Variants in PPM1L observed in about 807,000 individuals in gnomAD.
PPM1L encodes the protein protein phosphatase, Mg2+/Mn2+ dependent 1L.
In PPM1L, 13 loss-of-function variants were observed where a neutral mutation model predicts 31.4. The observed-to-expected ratio is 0.41, with a 90% CI of 0.27 to 0.66. PPM1L has a LOEUF of 0.66. Among genes scored for constraint, PPM1L ranks in the 30% least tolerant of loss-of-function variants. The pLI, the probability that PPM1L is intolerant of heterozygous loss-of-function variation, is 0.29. For missense variants in PPM1L, 326 were observed against 453.7 expected (o/e 0.72, Z 2.56); for synonymous variants, 184 against 175.4 (o/e 1.05, Z -0.39).
chr3:161,054,252 T>C (rs1719353280), intron 2 of PPM1L, among the ~76,000 whole-genome samples: 1 of 152,130 alleles, frequency 6.6e-6, no homozygotes, highest in Non-Finnish European at 1.5e-5. Context: ...CTCAGATGTT[T>C]TGTTGTCAGT....
At chr3:160,928,324 G>C (rs755935641) in intron 1 of PPM1L, among the ~76,000 whole-genome samples, 8 of 152,146 alleles carry the variant, frequency 5.3e-5, no homozygotes, top group Non-Finnish European at 1.0e-4. Flanking sequence ...CACCCATCCT[G>C]ACCACAGGGC....
At chr3:160,784,921 G>C (rs191035170) in intron 1 of PPM1L, among the ~76,000 whole-genome samples, 1 of 152,220 alleles carries the variant, frequency 6.6e-6, no homozygotes, top group South Asian at 2.1e-4. Flanking sequence ...GACAAAAGTG[G>C]TGATTGTTTG....
chr3:160,839,293 A>G (rs79216836), intron 1 of PPM1L, among the ~76,000 whole-genome samples: 4,859 of 152,358 alleles, frequency 0.032, 241 homozygotes, highest in African/African-American at 0.11. Flanking sequence ...CGTAGTCATA[A>G]GAAATAGCCA....
At position 160,920,643 on chromosome 3, in the gene PPM1L, A is replaced by T. The variant is rs566752130; in HGVS notation, c.400-41093A>T. On this transcript the variant is annotated intron_variant, in intron 1 of 3. Transcript: ENST00000498165. The stretch of plus-strand genomic sequence containing the variant: ...CACACACACACACACACACACTCAC[A>T]CACACACACACACACACACACACAT... 9.3e-5 allele frequency among the ~76,000 whole-genome samples: 14 copies of T among 150,122 alleles called. No homozygotes were observed. The South Asian group carries it at 3.0e-3, about 32-fold the overall frequency.
chr3:160,934,303 G>A lies in PPM1L; in HGVS notation c.400-27433G>A, dbSNP rs533011078. 1.2e-4 allele frequency among the ~76,000 whole-genome samples: 19 copies of A among 152,326 alleles called. 1 individual carries two copies. The highest frequency in any genetic ancestry group is 1.3e-4 in the Non-Finnish European group (9 of 68,026). Reference sequence around the variant, plus strand: ...AGTCAAATAAGTGGAAATGAGGGAAGGTTAACATTTAAGTGATAAATTTAA... The same window carrying A: ...AGTCAAATAAGTGGAAATGAGGGAAAGTTAACATTTAAGTGATAAATTTAA... On this transcript the variant is annotated intron_variant, in intron 1 of 3. Coordinates refer to ENST00000498165, the MANE Select transcript of PPM1L (RefSeq NM_139245.4).
chr3:160,939,416 C>T (rs1173498234), intron 1 of PPM1L, among the ~76,000 whole-genome samples: 1 of 152,160 alleles, frequency 6.6e-6, no homozygotes, highest in African/African-American at 2.4e-5. Context: ...AAATTTGGCT[C>T]ACATATCCCT....
At chr3:160,834,676 A>G (rs138901346) in intron 1 of PPM1L, among the ~76,000 whole-genome samples, 20 of 152,260 alleles carry the variant, frequency 1.3e-4, no homozygotes, top group African/African-American at 3.6e-4. Flanking sequence ...TTAATACTCA[A>G]TATGTAACTT....
chr3:161,037,182 A>C (rs1468448017), intron 2 of PPM1L, among the ~76,000 whole-genome samples: 1 of 152,182 alleles, frequency 6.6e-6, no homozygotes, highest in Non-Finnish European at 1.5e-5. Flanking sequence ...TGAATATAGC[A>C]GAAGTGATGG....
At chr3:160,981,955 G>A (rs1055728475) in intron 2 of PPM1L, among the ~76,000 whole-genome samples, 1 of 151,802 alleles carries the variant, frequency 6.6e-6, no homozygotes, top group African/African-American at 2.4e-5. Context: ...TAGTAGAGAC[G>A]GGGTTTCACC....
In PPM1L at chr3:160,826,327, G is replaced by C. The variant is rs1445495152; in HGVS notation, c.399+69620G>C. Among the ~76,000 whole-genome samples the C allele has an allele frequency of 2.6e-5, 4 of 152,148 alleles. No homozygotes were observed. The East Asian group carries it at 5.8e-4, about 22-fold the overall frequency. On this transcript the variant is annotated intron_variant, in intron 1 of 3. Coordinates refer to ENST00000498165, the MANE Select transcript of PPM1L (RefSeq NM_139245.4). ...AATATGGAATTTGGCCCATGGCTCA[G>C]AATGTGGTTTGGGGTCTTTGTTAGA...
intron 1 of PPM1L, among the ~76,000 whole-genome samples, chr3:160,758,244 T>G (rs1023642089): frequency 1.3e-5 from 2 of 152,184 alleles, no homozygotes; most frequent in Non-Finnish European, 2.9e-5. Context: ...AAAGGCTGTG[T>G]ACATGGGCAA....
intron 1 of PPM1L, among the ~76,000 whole-genome samples, chr3:160,953,351 T>C (rs1715633956): frequency 6.6e-6 from 1 of 152,142 alleles, no homozygotes; most frequent in African/African-American, 2.4e-5. Flanking sequence ...TGTTAAAAAG[T>C]GAAGGAACAA....
At chr3:160,902,838 C>G (rs1045256289) in intron 1 of PPM1L, among the ~76,000 whole-genome samples, 1 of 152,118 alleles carries the variant, frequency 6.6e-6, no homozygotes, top group African/African-American at 2.4e-5. Context: ...TTGATACATA[C>G]ACCCATTAAG....
intron 1 of PPM1L, among the ~76,000 whole-genome samples, chr3:160,959,451 A>T (rs1373483362): frequency 3.3e-5 from 5 of 152,208 alleles, no homozygotes; most frequent in Non-Finnish European, 5.9e-5. Context: ...ACTGAAATAA[A>T]ATTTTTAAAA....
Position 160,983,431 on chromosome 3 carries a change from TG to T in PPM1L, c.574+21527del, listed in dbSNP as rs572624234. ...GTTTACTAGATTTTAGCAGATTTTT[TG>T]GGGGGTGGTGGGATAGGGGGTGGGT... is the stretch of plus-strand genomic sequence containing the variant. On this transcript the variant is annotated intron_variant, in intron 2 of 3. Coordinates refer to ENST00000498165, the MANE Select transcript of PPM1L (RefSeq NM_139245.4). Among the ~76,000 whole-genome samples, 50 of 148,798 alleles carry T rather than the reference TG, an allele frequency of 3.4e-4. No individual in the cohort carries two copies. The East Asian group carries it at 9.7e-3, about 29-fold the overall frequency.
intron 1 of PPM1L, among the ~76,000 whole-genome samples, chr3:160,801,138 C>T (rs1013419142): frequency 6.8e-6 from 1 of 147,058 alleles, no homozygotes; most frequent in African/African-American, 2.6e-5. Context: ...TACACACACA[C>T]ACACACACAC....
chr3:160,802,767 T>C (rs7629154), intron 1 of PPM1L, among the ~76,000 whole-genome samples: 15,519 of 152,262 alleles, frequency 0.1, 1,272 homozygotes, highest in African/African-American at 0.22. Context: ...CACTTTTATC[T>C]TGGCAAAAGC....
intron 1 of PPM1L, among the ~76,000 whole-genome samples, chr3:160,807,797 C>A (rs1433932058): frequency 6.8e-6 from 1 of 147,932 alleles, no homozygotes; most frequent in Admixed American, 6.7e-5. Flanking sequence ...TAAAAGAATT[C>A]CTGCTTGGGC....
chr3:161,038,431 C>A (rs995928556), intron 2 of PPM1L, among the ~76,000 whole-genome samples: 8 of 151,666 alleles, frequency 5.3e-5, no homozygotes, highest in Non-Finnish European at 7.4e-5. Flanking sequence ...CTGACCTCAG[C>A]CTCCTGAGCA....
Sources: allele counts gnomAD v4.1 joint callset (sites outside exome capture counted in the v4.1 genomes callset), GRCh38; gene constraint gnomAD v4.1.1; transcripts MANE v1.5; gene names NCBI Gene and HGNC (gene_info 2026-07-23, HGNC 2026-07-21).